The following WARS2 variants were observed in gnomAD, a reference collection of about 807,000 sequenced individuals.
WARS2 encodes tryptophanyl tRNA synthetase 2, mitochondrial.
WARS2 carries 28 observed loss-of-function variants against 36.5 expected under a neutral mutation model. That is an observed-to-expected ratio of 0.77 (90% CI 0.57 to 1.05). The LOEUF (loss-of-function observed/expected upper bound fraction) is 1.05, where lower values mean the gene tolerates loss of function less well. Ranked by LOEUF, WARS2 falls within the 50% of genes least tolerant of loss-of-function variation. The probability of loss-of-function intolerance (pLI) is 0.00; values close to 1 mark genes in which losing one functional copy is unlikely to be tolerated. For synonymous variants in WARS2, 174 were observed against 178.4 expected, an observed-to-expected ratio of 0.98 and a Z score of 0.20; for missense variants, 435 against 456.8, an observed-to-expected ratio of 0.95 and a Z score of 0.44.
intron 1 of WARS2, among the ~76,000 whole-genome samples, chr1:119,091,675 G>C (rs1348446931): frequency 6.6e-6 from 1 of 152,184 alleles, no homozygotes; most frequent in Non-Finnish European, 1.5e-5. Context: ...AGGTGACAAG[G>C]ACAGTGGTTC....
intron 2 of WARS2, among the ~76,000 whole-genome samples, chr1:119,070,422 C>T (rs1038923155): frequency 4.6e-5 from 7 of 151,980 alleles, no homozygotes; most frequent in Admixed American, 6.6e-5. Flanking sequence ...TGCGACACCA[C>T]GCCTGGCTAA....
chr1:119,076,252 T>C, intron 2 of WARS2, 98 bp downstream of exon 2: 2 of 1,470,986 alleles, frequency 1.4e-6, no homozygotes, highest in Middle Eastern at 1.8e-4. Flanking sequence ...CAAACACTTT[T>C]TAAAAATCAC....
At position 119,104,253 on chromosome 1, in the gene WARS2, C is replaced by T. The variant is rs142936226; in HGVS notation, c.91-27646G>A. Reference sequence around the variant, plus strand: ...CAAATTCTTTTTAAACTATCTAATACCCATAATATTAGGATCCTTTCCCCC... The same window carrying T: ...CAAATTCTTTTTAAACTATCTAATATCCATAATATTAGGATCCTTTCCCCC... On this transcript the variant is annotated intron_variant, in intron 1 of 5. Coordinates refer to ENST00000235521, the MANE Select transcript of WARS2 (RefSeq NM_015836.4). Among the ~76,000 whole-genome samples the T allele has an allele frequency of 7.2e-3, 1,093 of 151,646 alleles. 4 individuals carry two copies. The highest frequency in any genetic ancestry group is 0.011 in the Non-Finnish European group (766 of 67,888).
chr1:119,086,614 C>T lies in WARS2; in HGVS notation c.91-10007G>A, dbSNP rs763491812. Among the ~76,000 whole-genome samples, 4 of 152,218 alleles carry T rather than the reference C, an allele frequency of 2.6e-5. No individual in the cohort carries two copies. The South Asian group carries it at 6.2e-4, about 24-fold the overall frequency. Reference sequence around the variant, plus strand: ...CAAAGGGGGCTTCTCAGAGCACAGTCTGAAAACCGCTTTCAGACATTTTCA... The same window carrying T: ...CAAAGGGGGCTTCTCAGAGCACAGTTTGAAAACCGCTTTCAGACATTTTCA... On this transcript the variant is annotated intron_variant, in intron 1 of 5. Transcript: ENST00000235521.
chr1:119,101,558 C>T (rs1653864133), intron 1 of WARS2, among the ~76,000 whole-genome samples: 1 of 152,182 alleles, frequency 6.6e-6, no homozygotes, highest in South Asian at 2.1e-4. Context: ...GTGTCTGTCC[C>T]TGTCCTCATT....
intron 2 of WARS2, among the ~76,000 whole-genome samples, chr1:119,075,841 A>G (rs1651684396): frequency 6.6e-6 from 1 of 152,196 alleles, no homozygotes; most frequent in African/African-American, 2.4e-5. Context: ...ACACACTGGG[A>G]CTTTGTCTTC....
chr1:119,085,621 C>T, intron 1 of WARS2: 2 of 1,457,152 alleles, frequency 1.4e-6, no homozygotes, highest in Non-Finnish European at 1.9e-6. Flanking sequence ...TAGTTAGACA[C>T]ATGATCCACT....
chr1:119,138,072 G>A (rs1656638185), intron 1 of WARS2, among the ~76,000 whole-genome samples: 1 of 152,018 alleles, frequency 6.6e-6, no homozygotes, highest in Non-Finnish European at 1.5e-5. Flanking sequence ...CTATTTCTTG[G>A]TTTTTGATGG....
intron 1 of WARS2, among the ~76,000 whole-genome samples, chr1:119,088,467 CAAATA>C (rs1218645926): frequency 6.6e-6 from 1 of 150,396 alleles, no homozygotes; most frequent in Non-Finnish European, 1.5e-5. Flanking sequence ...CACACACACA[CAAATA>C]AAAGGACTAA....
chr1:119,121,639 A>G (rs898100456), intron 1 of WARS2, among the ~76,000 whole-genome samples: 2 of 152,194 alleles, frequency 1.3e-5, no homozygotes, highest in African/African-American at 4.8e-5. Flanking sequence ...CCAGCTTCAA[A>G]CTATACTACA....
intron 4 of WARS2, among the ~76,000 whole-genome samples, chr1:119,035,455 G>A (rs560906168): frequency 1.6e-4 from 24 of 152,158 alleles, no homozygotes; most frequent in South Asian, 6.2e-4. Context: ...TGGATAACAC[G>A]TATACTAATT....
chr1:119,134,096 G>C (rs1656294648), intron 1 of WARS2, among the ~76,000 whole-genome samples: 1 of 151,656 alleles, frequency 6.6e-6, no homozygotes, highest in African/African-American at 2.4e-5. Flanking sequence ...ATCATCTCAA[G>C]AAAATGGGAT....
chr1:119,040,653 AG>A (rs1016298013), intron 4 of WARS2, among the ~76,000 whole-genome samples: 7 of 152,242 alleles, frequency 4.6e-5, no homozygotes, highest in Non-Finnish European at 1.0e-4. Context: ...AAACAAAATT[AG>A]ACAACATTGT....
chr1:119,031,734 G>C lies in WARS2; in HGVS notation c.*1177C>G, dbSNP rs759793917. The stretch of plus-strand genomic sequence containing the variant: ...CATTACTTAACTGAGGTAGAGGCAA[G>C]ATGAGAAGCTGTCAGTCATTGGGAA... On this transcript the variant is annotated 3_prime_UTR_variant, in exon 6 of 6. Coordinates refer to ENST00000235521, the MANE Select transcript of WARS2 (RefSeq NM_015836.4). 2 of 152,264 alleles carry C rather than the reference G, an allele frequency of 1.3e-5. No homozygotes were observed. Among genetic ancestry groups the C allele is most frequent in the Non-Finnish European group, 2.9e-5 (2 of 68,072 alleles). 9.4% of individuals were successfully genotyped at this position (152,264 alleles called of 1,614,324 possible).
intron 1 of WARS2, among the ~76,000 whole-genome samples, chr1:119,077,667 A>C (rs1217043269): frequency 2.0e-5 from 3 of 152,116 alleles, no homozygotes; most frequent in African/African-American, 7.2e-5. Flanking sequence ...ATAATTATTT[A>C]AATTATAAAA....
At chr1:119,045,742 C>T (rs1387335498) in intron 2 of WARS2, 80 bp from the exon 3 acceptor site, 18 of 1,155,830 alleles carry the variant, frequency 1.6e-5, no homozygotes, top group Admixed American at 4.0e-5. Flanking sequence ...TAAGTATTAC[C>T]CTAAATGTCT....
intron 1 of WARS2, among the ~76,000 whole-genome samples, chr1:119,077,817 T>C (rs898875447): frequency 3.9e-5 from 6 of 152,144 alleles, no homozygotes; most frequent in Non-Finnish European, 7.3e-5. Flanking sequence ...TTATAATACA[T>C]TCCATAGTGA....
chr1:119,091,049 T>G (rs1653010357), intron 1 of WARS2, among the ~76,000 whole-genome samples: 1 of 152,214 alleles, frequency 6.6e-6, no homozygotes, highest in South Asian at 2.1e-4. Flanking sequence ...AATGATTTAT[T>G]AAGTTCAGAT....
chr1:119,058,616 T>C (rs1241465778), intron 2 of WARS2, among the ~76,000 whole-genome samples: 2 of 125,682 alleles, frequency 1.6e-5, no homozygotes, highest in Admixed American at 1.5e-4. Flanking sequence ...ATTTCATCCA[T>C]GTCCCTACAA....
Sources: allele counts gnomAD v4.1 joint callset (sites outside exome capture counted in the v4.1 genomes callset), GRCh38; gene constraint gnomAD v4.1.1; transcripts MANE v1.5; gene names NCBI Gene and HGNC (gene_info 2026-07-23, HGNC 2026-07-21).